The following ZBTB20 variants were observed in gnomAD, a reference collection of about 807,000 sequenced individuals.
The protein encoded by ZBTB20 is zinc finger and BTB domain-containing protein 20.
ZBTB20 carries 9 observed loss-of-function variants against 56.9 expected under a neutral mutation model. The ratio of observed to expected loss-of-function variants is 0.16; its 90% CI spans 0.10 to 0.28. The LOEUF (loss-of-function observed/expected upper bound fraction) is 0.28. Ranked by LOEUF, ZBTB20 falls within the 10% of genes least tolerant of loss-of-function variation. ZBTB20 has a pLI of 1.00. For missense variants in ZBTB20, 655 were observed against 1,003.0 expected (o/e 0.65, Z 4.69); for synonymous variants, 417 against 420.7 (o/e 0.99, Z 0.11).
intron 6 of ZBTB20, among the ~76,000 whole-genome samples, chr3:114,532,731 C>T (rs541291506): frequency 1.3e-5 from 2 of 152,186 alleles, no homozygotes; most frequent in African/African-American, 2.4e-5. Flanking sequence ...ACAGCTCATA[C>T]AGGAGAGCTC....
intron 2 of ZBTB20, among the ~76,000 whole-genome samples, chr3:115,015,816 T>C (rs1576571118): frequency 6.6e-6 from 1 of 151,902 alleles, no homozygotes; most frequent in Admixed American, 6.6e-5. Context: ...ATGATTTATA[T>C]TCCTTTGGGT....
At chr3:114,702,812 G>A (rs2063475584) in intron 5 of ZBTB20, among the ~76,000 whole-genome samples, 1 of 152,068 alleles carries the variant, frequency 6.6e-6, no homozygotes, top group Non-Finnish European at 1.5e-5. Flanking sequence ...ACTTGTTCAA[G>A]TTAACCTTAG....
intron 6 of ZBTB20, among the ~76,000 whole-genome samples, chr3:114,537,678 C>T (rs1053602240): frequency 2.6e-5 from 4 of 152,144 alleles, no homozygotes; most frequent in African/African-American, 7.2e-5. Flanking sequence ...TATAAAGACA[C>T]ATGCACATGT....
At chr3:114,477,323 T>C (rs2040899021) in intron 7 of ZBTB20, among the ~76,000 whole-genome samples, 1 of 152,134 alleles carries the variant, frequency 6.6e-6, no homozygotes, top group Admixed American at 6.6e-5. Flanking sequence ...ATGTGTACTA[T>C]CTCATTTAAT....
chr3:114,880,095 T>C lies in ZBTB20; in HGVS notation c.-417+20209A>G, dbSNP rs116006681. 9.0e-3 allele frequency among the ~76,000 whole-genome samples: 1,371 copies of C among 152,310 alleles called. 22 individuals are homozygous for C. The highest frequency in any genetic ancestry group is 0.03 in the African/African-American group (1,253 of 41,560). On this transcript the variant is annotated intron_variant, in intron 4 of 11. Transcript: ENST00000675478. ...ATGACACTTGAGGAGCAAAATATAT[T>C]GAGTGATGAATACAAATCTTTTATG...
intron 6 of ZBTB20, among the ~76,000 whole-genome samples, chr3:114,628,134 C>T (rs898756925): frequency 3.9e-5 from 6 of 152,130 alleles, no homozygotes; most frequent in African/African-American, 1.4e-4. Context: ...CTCCCTTTGG[C>T]ATCAACTGCT....
At position 114,643,888 on chromosome 3, in the gene ZBTB20, A is replaced by T. The variant is rs151092808; in HGVS notation, c.-295+49640T>A. Among the ~76,000 whole-genome samples, 33 of 152,196 alleles carry T rather than the reference A, an allele frequency of 2.2e-4. No individual in the cohort carries two copies. The East Asian group carries it at 6.2e-3, about 28-fold the overall frequency. On this transcript the variant is annotated intron_variant, in intron 6 of 11. Coordinates refer to ENST00000675478, the MANE Select transcript of ZBTB20 (RefSeq NM_001348800.3). ...TTTTGCCCGTACCTCTCCTTGTAAC[A>T]TTCTTCCCTTTTTCCCTATATATTT... is the stretch of plus-strand genomic sequence containing the variant.
At chr3:114,816,390 T>G (rs1183154731) in intron 4 of ZBTB20, among the ~76,000 whole-genome samples, 2 of 152,124 alleles carry the variant, frequency 1.3e-5, no homozygotes, top group Non-Finnish European at 2.9e-5. Flanking sequence ...TGCCTTGAAG[T>G]TTGGAAGCTG....
intron 5 of ZBTB20, among the ~76,000 whole-genome samples, chr3:114,727,672 A>G (rs1257148140): frequency 1.3e-5 from 2 of 152,174 alleles, no homozygotes; most frequent in Non-Finnish European, 2.9e-5. Flanking sequence ...GATGGCAGAC[A>G]AAAAACATGT....
At chr3:115,040,735 T>C (rs72943842) in intron 2 of ZBTB20, among the ~76,000 whole-genome samples, 22,506 of 152,082 alleles carry the variant, frequency 0.15, 3,226 homozygotes, top group African/African-American at 0.37. Flanking sequence ...GTAACATGGT[T>C]ACATTTGCAT....
chr3:115,063,708 T>TA (rs2082101467), intron 2 of ZBTB20, among the ~76,000 whole-genome samples: 1 of 151,700 alleles, frequency 6.6e-6, no homozygotes, highest in Non-Finnish European at 1.5e-5. Flanking sequence ...GTTTACCAGT[T>TA]AAATAGTACC....
chr3:114,868,216 G>GC (rs1302733722), intron 4 of ZBTB20, among the ~76,000 whole-genome samples: 1 of 152,174 alleles, frequency 6.6e-6, no homozygotes, highest in African/African-American at 2.4e-5. Flanking sequence ...AAGGAAAAGT[G>GC]CTTATCATTG....
At chr3:115,019,524 T>G (rs1026366483) in intron 2 of ZBTB20, among the ~76,000 whole-genome samples, 1 of 151,266 alleles carries the variant, frequency 6.6e-6, no homozygotes, top group Non-Finnish European at 1.5e-5. Context: ...ACTGAAATGG[T>G]CTCAATGTTA....
chr3:114,622,581 G>A (rs77218675), intron 6 of ZBTB20, among the ~76,000 whole-genome samples: 19,480 of 152,130 alleles, frequency 0.13, 1,762 homozygotes, highest in Non-Finnish European at 0.19. Flanking sequence ...GCTGTAGCAG[G>A]GGTCAGTCTC....
intron 2 of ZBTB20, among the ~76,000 whole-genome samples, chr3:115,005,152 T>A (rs1468257653): frequency 5.9e-5 from 9 of 151,786 alleles, no homozygotes; most frequent in Admixed American, 1.3e-4. Context: ...TCTTCACTTT[T>A]AAATTAATAC....
chr3:115,119,892 A>G (rs559250785), intron 1 of ZBTB20, among the ~76,000 whole-genome samples: 1 of 152,248 alleles, frequency 6.6e-6, no homozygotes, highest in African/African-American at 2.4e-5. Context: ...GGAGTCTTTA[A>G]TGCATATTAC....
At chr3:114,975,468 A>G (rs2078059631) in intron 2 of ZBTB20, among the ~76,000 whole-genome samples, 1 of 152,196 alleles carries the variant, frequency 6.6e-6, no homozygotes, top group South Asian at 2.1e-4. Flanking sequence ...TTAATTGACT[A>G]TATCATTAAT....
chr3:115,126,911 A>C (rs2084349302), intron 1 of ZBTB20, among the ~76,000 whole-genome samples: 1 of 152,240 alleles, frequency 6.6e-6, no homozygotes. Flanking sequence ...AGGAGAACAC[A>C]TGGAAAAATG....
chr3:114,437,844 T>C (rs2090619828), intron 7 of ZBTB20, among the ~76,000 whole-genome samples: 2 of 152,154 alleles, frequency 1.3e-5, no homozygotes, highest in African/African-American at 4.8e-5. Flanking sequence ...AAAGCATACC[T>C]GACTAGGAGT....
Sources: allele counts gnomAD v4.1 joint callset (sites outside exome capture counted in the v4.1 genomes callset), GRCh38; gene constraint gnomAD v4.1.1; transcripts MANE v1.5; gene names NCBI Gene and HGNC (gene_info 2026-07-23, HGNC 2026-07-21).